Variants in POU6F2 observed in about 807,000 individuals in gnomAD.
POU6F2 encodes the protein POU domain, class 6, transcription factor 2.
Under a neutral mutation model 71.3 loss-of-function variants are expected in POU6F2, and 31 were observed. The ratio of observed to expected loss-of-function variants is 0.43; its 90% CI spans 0.33 to 0.59. POU6F2 has a LOEUF of 0.59. Among genes scored for constraint, POU6F2 ranks in the 20% least tolerant of loss-of-function variants. The pLI is 0.04. For synonymous variants in POU6F2, 347 were observed against 355.7 expected, an observed-to-expected ratio of 0.98 and a Z score of 0.27; for missense variants, 783 against 856.8, an observed-to-expected ratio of 0.91 and a Z score of 1.07.
chr7:39,400,960 A>G (rs184491485), intron 5 of POU6F2, among the ~76,000 whole-genome samples: 1 of 152,292 alleles, frequency 6.6e-6, no homozygotes, highest in East Asian at 1.9e-4. Flanking sequence ...TTATTGGGCA[A>G]AAAGGGAAAC....
At chr7:39,084,203 C>G (rs1432834882) in intron 1 of POU6F2, among the ~76,000 whole-genome samples, 1 of 152,086 alleles carries the variant, frequency 6.6e-6, no homozygotes, top group African/African-American at 2.4e-5. Context: ...TATAAGCCAC[C>G]ATTTTTGTTT....
At chr7:39,098,700 T>G (rs1308868080) in intron 2 of POU6F2, among the ~76,000 whole-genome samples, 1 of 152,186 alleles carries the variant, frequency 6.6e-6, no homozygotes, top group Non-Finnish European at 1.5e-5. Context: ...AGCTTCAGCT[T>G]CCCCATCTCT....
intron 2 of POU6F2, among the ~76,000 whole-genome samples, chr7:39,121,793 G>C (rs897468385): frequency 5.3e-5 from 8 of 152,124 alleles, no homozygotes; most frequent in African/African-American, 1.7e-4. Flanking sequence ...CCACCTCCCG[G>C]GTTCAAGCGA....
intron 3 of POU6F2, 124 bp from the exon 4 acceptor site, chr7:39,207,268 A>G: frequency 1.2e-6 from 1 of 807,728 alleles, no homozygotes; most frequent in Non-Finnish European, 1.9e-6. Flanking sequence ...TTAATGAGAT[A>G]GGGCATGTTT....
chr7:39,129,173 T>G (rs1054925151), intron 2 of POU6F2, among the ~76,000 whole-genome samples: 1 of 152,210 alleles, frequency 6.6e-6, no homozygotes, highest in Admixed American at 6.5e-5. Context: ...GAGTTGTGTC[T>G]GGCCATCATT....
intron 2 of POU6F2, among the ~76,000 whole-genome samples, chr7:39,201,800 C>T (rs1279270048): frequency 6.6e-6 from 1 of 152,196 alleles, no homozygotes; most frequent in African/African-American, 2.4e-5. Flanking sequence ...AAACCCTTAG[C>T]CAACGCCATT....
At chr7:39,081,080 CA>C (rs1338979255) in intron 1 of POU6F2, among the ~76,000 whole-genome samples, 1 of 152,058 alleles carries the variant, frequency 6.6e-6, no homozygotes, top group Non-Finnish European at 1.5e-5. Context: ...GAAAGTACAT[CA>C]GAAGTTAGCA....
intron 5 of POU6F2, among the ~76,000 whole-genome samples, chr7:39,363,643 T>G (rs1288476593): frequency 2.7e-5 from 4 of 147,850 alleles, no homozygotes; most frequent in African/African-American, 5.0e-5. Context: ...GAAGAGAAAT[T>G]GGCCTACGAG....
rs536707485 is a variant in POU6F2, at chr7:39,446,758, G to A, written c.1321-4775G>A. Reference sequence around the variant, plus strand: ...CATTCTGTGTGTGGGATGGACATCCGGTCCTCCTCCTCTGGAAAATCCACA... The same window carrying A: ...CATTCTGTGTGTGGGATGGACATCCAGTCCTCCTCCTCTGGAAAATCCACA... On this transcript the variant is annotated intron_variant, in intron 7 of 9. Coordinates refer to ENST00000518318, the MANE Select transcript of POU6F2 (RefSeq NM_001370959.1). Among the ~76,000 whole-genome samples the A allele has an allele frequency of 3.9e-5, 6 of 152,292 alleles. No homozygotes were observed. The South Asian group carries it at 1.2e-3, about 32-fold the overall frequency.
chr7:39,205,319 G>C (rs1793987708), intron 3 of POU6F2, among the ~76,000 whole-genome samples: 1 of 152,084 alleles, frequency 6.6e-6, no homozygotes. Flanking sequence ...AATTATGTGT[G>C]TCTGTGTGTG....
At chr7:39,110,287 T>A (rs201863108) in intron 2 of POU6F2, among the ~76,000 whole-genome samples, 15,880 of 141,324 alleles carry the variant, frequency 0.11, 1,009 homozygotes, top group Middle Eastern at 0.15. Flanking sequence ...AAAAAAAAAA[T>A]GAATTAAATT....
chr7:39,221,310 A>G (rs1448502772), intron 4 of POU6F2, among the ~76,000 whole-genome samples: 1 of 151,716 alleles, frequency 6.6e-6, no homozygotes, highest in South Asian at 2.1e-4. Flanking sequence ...GCTCTCTGCC[A>G]TAGTATAGGA....
chr7:39,408,816 T>C (rs1158827985), intron 6 of POU6F2, among the ~76,000 whole-genome samples: 1 of 152,072 alleles, frequency 6.6e-6, no homozygotes, highest in African/African-American at 2.4e-5. Flanking sequence ...AGTGATATGG[T>C]TGGTTTTGTT....
At chr7:39,353,751 G>T (rs1017899068) in intron 5 of POU6F2, among the ~76,000 whole-genome samples, 3 of 152,154 alleles carry the variant, frequency 2.0e-5, no homozygotes, top group Admixed American at 1.3e-4. Context: ...AAAGGTGATG[G>T]ACTGGGGCTG....
chr7:39,208,391 G>A (rs1794067240), intron 4 of POU6F2, among the ~76,000 whole-genome samples: 1 of 152,086 alleles, frequency 6.6e-6, no homozygotes, highest in Non-Finnish European at 1.5e-5. Context: ...ATTTATTTTG[G>A]ACTAGTCAAA....
chr7:39,328,154 C>T (rs575009391), intron 4 of POU6F2, among the ~76,000 whole-genome samples: 12 of 152,172 alleles, frequency 7.9e-5, no homozygotes, highest in South Asian at 2.1e-4. Context: ...CTCCTGACCT[C>T]GTGATCCACC....
At chr7:38,991,635 A>G (rs921072459) in intron 1 of POU6F2, among the ~76,000 whole-genome samples, 2 of 152,202 alleles carry the variant, frequency 1.3e-5, no homozygotes, top group Admixed American at 1.3e-4. Flanking sequence ...ACCTGAGCCC[A>G]GGGGAACAGA....
In POU6F2 at chr7:39,062,519, C is replaced by T. The variant is rs138103136; in HGVS notation, c.106-23341C>T. Reference sequence around the variant, plus strand: ...AGGCAATTGCCCATTCCATCCTGAGCTAGGAAGGTTGCCACAACAGCACCT... The same window carrying T: ...AGGCAATTGCCCATTCCATCCTGAGTTAGGAAGGTTGCCACAACAGCACCT... On this transcript the variant is annotated intron_variant, in intron 1 of 9. Transcript: ENST00000518318. 7.9e-5 allele frequency among the ~76,000 whole-genome samples: 12 copies of T among 151,216 alleles called. No homozygotes were observed. The East Asian group carries it at 2.2e-3, about 27-fold the overall frequency.
chr7:39,078,549 A>T (rs1281537561), intron 1 of POU6F2, among the ~76,000 whole-genome samples: 1 of 152,188 alleles, frequency 6.6e-6, no homozygotes, highest in Non-Finnish European at 1.5e-5. Flanking sequence ...TGGTCAGTGA[A>T]CTGTGTTTGT....
Sources: allele counts gnomAD v4.1 joint callset (sites outside exome capture counted in the v4.1 genomes callset), GRCh38; gene constraint gnomAD v4.1.1; transcripts MANE v1.5; gene names NCBI Gene and HGNC (gene_info 2026-07-23, HGNC 2026-07-21).